Variants in MIPEP observed in about 807,000 individuals in gnomAD.
The protein encoded by MIPEP is mitochondrial intermediate peptidase.
MIPEP carries 79 observed loss-of-function variants against 90.3 expected under a neutral mutation model. That is an observed-to-expected ratio of 0.87 (90% confidence interval 0.73 to 1.05). MIPEP has a LOEUF of 1.05. MIPEP is among the 50% of genes least tolerant of loss of function. MIPEP has a pLI of 0.00. For missense variants in MIPEP, 940 were observed against 905.6 expected, an observed-to-expected ratio of 1.04 and a Z score of -0.49; for synonymous variants, 334 against 315.8, an observed-to-expected ratio of 1.06 and a Z score of -0.61.
chr13:23,835,597 A>G (rs1869000837), intron 14 of MIPEP, among the ~76,000 whole-genome samples: 2 of 152,186 alleles, frequency 1.3e-5, no homozygotes. Flanking sequence ...CGGTTCTAGT[A>G]TAATCAGAAT....
At chr13:23,804,749 T>C (rs1953086832) in intron 16 of MIPEP, among the ~76,000 whole-genome samples, 1 of 152,216 alleles carries the variant, frequency 6.6e-6, no homozygotes, top group South Asian at 2.1e-4. Context: ...GACCTGAAGA[T>C]TTAGTGGACA....
intron 14 of MIPEP, among the ~76,000 whole-genome samples, chr13:23,823,103 T>A (rs1039856145): frequency 6.6e-6 from 1 of 152,016 alleles, no homozygotes; most frequent in Non-Finnish European, 1.5e-5. Flanking sequence ...AAAGAAACAG[T>A]CATTACAATG....
chr13:23,883,357 A>C (rs1174015788), intron 2 of MIPEP, among the ~76,000 whole-genome samples: 3 of 152,244 alleles, frequency 2.0e-5, no homozygotes, highest in African/African-American at 7.2e-5. Context: ...ATACTGATTA[A>C]GATGAAGACT....
At chr13:23,746,418 G>C (rs1165228488) in intron 18 of MIPEP, among the ~76,000 whole-genome samples, 1 of 151,796 alleles carries the variant, frequency 6.6e-6, no homozygotes, top group East Asian at 2.0e-4. Flanking sequence ...TGAATCACTT[G>C]AGGTCAGGAG....
At position 23,806,001 on chromosome 13, in the gene MIPEP, A is replaced by T. The variant is rs1467421779; in HGVS notation, c.1797T>A (p.Ile599=). 1 of 1,613,974 alleles carries T rather than the reference A, an allele frequency of 6.2e-7. No homozygotes were observed. Among genetic ancestry groups the T allele is most frequent in the East Asian group, 2.2e-5 (1 of 44,850 alleles). The change falls in exon 16 of 19, where the codon ATT becomes ATA. Residue 599 remains isoleucine (I), a synonymous_variant. Coordinates refer to ENST00000382172, the MANE Select transcript of MIPEP (RefSeq NM_005932.4). The stretch of plus-strand genomic sequence containing the variant: ...AGAATTTCTCTTGTGTTTCCTTGAG[A>T]ATGTCTGTGGTTGAATTCCTCAGGG... ...KHPLRNSTTD[I]LKETQEKFYG...
Position 23,822,763 on chromosome 13 carries a change from A to C in MIPEP, c.1654-12839T>G, listed in dbSNP as rs536036181. ...AACTGACCTCCTTCTTATATTAAGA[A>C]GGTAAAAATCTGTGTCTTGCTCAGA... On this transcript the variant is annotated intron_variant, in intron 14 of 18. Transcript: ENST00000382172. Among the ~76,000 whole-genome samples the C allele has an allele frequency of 1.6e-4, 25 of 152,266 alleles. No individual in the cohort carries two copies. In the South Asian group the frequency reaches 4.8e-3, roughly 29 times the overall value.
chr13:23,805,096 C>A (rs1160410550), intron 16 of MIPEP, among the ~76,000 whole-genome samples: 1 of 152,244 alleles, frequency 6.6e-6, no homozygotes, highest in African/African-American at 2.4e-5. Flanking sequence ...CTGCACCTTT[C>A]AGTTACAAGA....
At chr13:23,818,820 G>A (rs1046739158) in intron 14 of MIPEP, among the ~76,000 whole-genome samples, 1 of 152,176 alleles carries the variant, frequency 6.6e-6, no homozygotes, top group Non-Finnish European at 1.5e-5. Flanking sequence ...TAGGCTAAAT[G>A]TAACAGCGGA....
chr13:23,765,202 G>T (rs905840956), intron 16 of MIPEP, among the ~76,000 whole-genome samples: 7 of 152,202 alleles, frequency 4.6e-5, no homozygotes, highest in Admixed American at 4.6e-4. Context: ...CGGGGGGTGG[G>T]TCCTAGAACC....
chr13:23,784,963 G>A (rs1248255851), intron 16 of MIPEP, among the ~76,000 whole-genome samples: 3 of 152,142 alleles, frequency 2.0e-5, no homozygotes, highest in Non-Finnish European at 4.4e-5. Context: ...CAGTTAGAAC[G>A]GCGATCATTA....
At chr13:23,780,263 A>G (rs934979796) in intron 16 of MIPEP, among the ~76,000 whole-genome samples, 3 of 152,236 alleles carry the variant, frequency 2.0e-5, no homozygotes, top group Admixed American at 2.0e-4. Flanking sequence ...AAGCTTCCAG[A>G]GGAATGATCA....
intron 18 of MIPEP, among the ~76,000 whole-genome samples, chr13:23,748,839 G>T (rs1952409986): frequency 6.6e-6 from 1 of 152,190 alleles, no homozygotes; most frequent in South Asian, 2.1e-4. Flanking sequence ...TGGAGGCACA[G>T]ATGCTGCTGG....
chr13:23,883,743 A>G (rs1431060384), intron 2 of MIPEP, among the ~76,000 whole-genome samples: 1 of 152,212 alleles, frequency 6.6e-6, no homozygotes, highest in Non-Finnish European at 1.5e-5. Flanking sequence ...AGGGTTGACG[A>G]TACAGTGAAA....
intron 16 of MIPEP, among the ~76,000 whole-genome samples, chr13:23,804,537 G>T (rs1238450655): frequency 2.6e-5 from 4 of 152,118 alleles, no homozygotes; most frequent in Non-Finnish European, 5.9e-5. Context: ...TCAAGAGCTT[G>T]GCAGTAGAAA....
chr13:23,858,933 G>A (rs764333705), intron 9 of MIPEP, 21 bp from the exon 10 acceptor site: 11 of 1,605,364 alleles, frequency 6.9e-6, no homozygotes, highest in Non-Finnish European at 9.4e-6. Context: ...ATAATTCACT[G>A]TTAAGGAAAG....
At chr13:23,789,811 G>A (rs983285364) in intron 16 of MIPEP, among the ~76,000 whole-genome samples, 1 of 151,672 alleles carries the variant, frequency 6.6e-6, no homozygotes, top group Non-Finnish European at 1.5e-5. Context: ...CCCTCTACCC[G>A]CACTAGCAGT....
In MIPEP at chr13:23,874,914, A is replaced by G. The variant is rs938270613; in HGVS notation, c.540-5T>C. The G allele has an allele frequency of 4.5e-5, 72 of 1,597,314 alleles. No individual in the cohort carries two copies. The highest frequency in any genetic ancestry group is 6.0e-5 in the Non-Finnish European group (70 of 1,175,194). On this transcript the variant is annotated splice_polypyrimidine_tract_variant and splice_region_variant and intron_variant, in intron 4 of 18. Coordinates refer to ENST00000382172, the MANE Select transcript of MIPEP (RefSeq NM_005932.4). ...ATAAACAGTTCAGCCACTCGCCTAT[A>G]AATGAAATGAGCCCCAGGTTATAAC...
chr13:23,798,920 T>C (rs1436929514), intron 16 of MIPEP, among the ~76,000 whole-genome samples: 4 of 152,118 alleles, frequency 2.6e-5, no homozygotes, highest in Admixed American at 6.6e-5. Context: ...AGGTATTTAT[T>C]TGTAGCAACG....
chr13:23,868,114 GA>G (rs1478577903), intron 7 of MIPEP, among the ~76,000 whole-genome samples: 2 of 152,032 alleles, frequency 1.3e-5, no homozygotes, highest in Non-Finnish European at 2.9e-5. Context: ...TCGATTATAT[GA>G]AAAAAAATGT....
Sources: allele counts gnomAD v4.1 joint callset (sites outside exome capture counted in the v4.1 genomes callset), GRCh38; gene constraint gnomAD v4.1.1; transcripts MANE v1.5; gene names NCBI Gene and HGNC (gene_info 2026-07-23, HGNC 2026-07-21).